PPM1L: variants seen among roughly 807,000 people sequenced by gnomAD.
The protein encoded by PPM1L is protein phosphatase, Mg2+/Mn2+ dependent 1L, also known as protein phosphatase 1L.
Under a neutral mutation model 31.4 loss-of-function variants are expected in PPM1L, and 13 were observed. The ratio of observed to expected loss-of-function variants is 0.41; its 90% confidence interval spans 0.27 to 0.66. The LOEUF (loss-of-function observed/expected upper bound fraction) is 0.66. Ranked by LOEUF, PPM1L falls within the 30% of genes least tolerant of loss-of-function variation. PPM1L has a pLI of 0.29. For missense variants in PPM1L, 326 were observed against 453.7 expected (o/e 0.72, Z 2.56); for synonymous variants, 184 against 175.4 (o/e 1.05, Z -0.39).
At chr3:160,986,875 C>A (rs895783882) in intron 2 of PPM1L, among the ~76,000 whole-genome samples, 1 of 152,132 alleles carries the variant, frequency 6.6e-6, no homozygotes, top group Non-Finnish European at 1.5e-5. Context: ...CATATTCTTT[C>A]TTTCTTACAA....
intron 1 of PPM1L, among the ~76,000 whole-genome samples, chr3:160,869,325 T>C (rs1416270373): frequency 6.6e-6 from 1 of 152,194 alleles, no homozygotes; most frequent in South Asian, 2.1e-4. Flanking sequence ...CAAAACTATT[T>C]AGATATAAAA....
chr3:161,075,610 T>C lies in PPM1L; in HGVS notation c.*6453T>C, dbSNP rs1438071589. 6.6e-6 allele frequency: 1 copy of C among 152,126 alleles called. No individual in the cohort carries two copies. The highest frequency in any genetic ancestry group is 2.4e-5 in the African/African-American group (1 of 41,410). The allele number at this position is 152,126 out of a possible 1,614,324, so 9.4% of individuals were successfully genotyped here. On this transcript the variant is annotated 3_prime_UTR_variant, in exon 4 of 4. Coordinates refer to ENST00000498165, the MANE Select transcript of PPM1L (RefSeq NM_139245.4). ...AAAAAATTGTAAAATCAGTTTCCAG[T>C]GTGGTCAAAATTAGAATGTAAAGGA...
chr3:160,988,323 C>A (rs1392465927), intron 2 of PPM1L, among the ~76,000 whole-genome samples: 6 of 152,146 alleles, frequency 3.9e-5, no homozygotes, highest in Non-Finnish European at 5.9e-5. Context: ...AAAAAATCAA[C>A]CTTGTTCTTG....
chr3:160,878,944 C>G (rs1393792397), intron 1 of PPM1L, among the ~76,000 whole-genome samples: 1 of 152,162 alleles, frequency 6.6e-6, no homozygotes, highest in Admixed American at 6.5e-5. Flanking sequence ...CCCTAGGAAC[C>G]ATGACTAAGC....
At chr3:161,023,428 C>A (rs1016940023) in intron 2 of PPM1L, among the ~76,000 whole-genome samples, 5 of 151,980 alleles carry the variant, frequency 3.3e-5, no homozygotes, top group African/African-American at 9.7e-5. Flanking sequence ...TTTTAAAATT[C>A]TTTTTTCTAT....
At chr3:160,769,682 T>C (rs1221208000) in intron 1 of PPM1L, among the ~76,000 whole-genome samples, 1 of 152,162 alleles carries the variant, frequency 6.6e-6, no homozygotes, top group African/African-American at 2.4e-5. Flanking sequence ...TGTGGAAATA[T>C]TATAGTAGTT....
At chr3:160,844,093 G>A (rs1713995293) in intron 1 of PPM1L, among the ~76,000 whole-genome samples, 1 of 152,162 alleles carries the variant, frequency 6.6e-6, no homozygotes, top group South Asian at 2.1e-4. Flanking sequence ...AGAAAAACCT[G>A]TTTTAAAATT....
At chr3:160,759,289 C>A (rs1311375488) in intron 1 of PPM1L, among the ~76,000 whole-genome samples, 2 of 152,186 alleles carry the variant, frequency 1.3e-5, no homozygotes, top group Non-Finnish European at 2.9e-5. Flanking sequence ...TAATAACTCA[C>A]ACTAGTAAGA....
intron 1 of PPM1L, among the ~76,000 whole-genome samples, chr3:160,795,050 G>A (rs143960307): frequency 5.3e-5 from 8 of 152,072 alleles, no homozygotes; most frequent in Non-Finnish European, 2.9e-5. Flanking sequence ...CTTCAGGTGA[G>A]CCTCACCCCC....
chr3:160,816,101 T>C (rs977730075), intron 1 of PPM1L, among the ~76,000 whole-genome samples: 2 of 152,152 alleles, frequency 1.3e-5, no homozygotes, highest in African/African-American at 2.4e-5. Flanking sequence ...TTTTCCTTCA[T>C]TGAGAGAAGA....
rs750082957 is a variant in PPM1L at position 160,961,768 on chromosome 3, A to G, written c.432A>G (p.Pro144=). ...TAAEYVKSRL[P]EALKQHLQDY... ...CTGAATATGTAAAATCTCGACTCCC[A>G]GAGGCCCTTAAACAGCATCTTCAGG... Residue 144 remains proline (P), a synonymous_variant, in exon 2 of 4, where the codon CCA becomes CCG. Coordinates refer to ENST00000498165, the MANE Select transcript of PPM1L (RefSeq NM_139245.4). 1 of 1,595,804 alleles carries G rather than the reference A, an allele frequency of 6.3e-7. No individual in the cohort carries two copies. Among genetic ancestry groups the G allele is most frequent in the Non-Finnish European group, 8.5e-7 (1 of 1,173,474 alleles).
intron 1 of PPM1L, among the ~76,000 whole-genome samples, chr3:160,822,156 AC>A (rs1362554532): frequency 6.6e-6 from 1 of 152,116 alleles, no homozygotes; most frequent in African/African-American, 2.4e-5. Flanking sequence ...AGGATAAATT[AC>A]CCAACATAAT....
At chr3:161,035,064 T>A (rs140046202) in intron 2 of PPM1L, among the ~76,000 whole-genome samples, 3,803 of 150,236 alleles carry the variant, frequency 0.025, 83 homozygotes, top group South Asian at 0.045. Flanking sequence ...GAGGGGAACA[T>A]CACACACTGA....
chr3:160,973,748 C>A (rs1716434079), intron 2 of PPM1L, among the ~76,000 whole-genome samples: 1 of 114,358 alleles, frequency 8.7e-6, no homozygotes, highest in East Asian at 2.1e-4. Flanking sequence ...TGGTAAATTG[C>A]CTTCTGAAAG....
chr3:160,885,324 T>G (rs1025354866), intron 1 of PPM1L, among the ~76,000 whole-genome samples: 6 of 152,230 alleles, frequency 3.9e-5, no homozygotes, highest in African/African-American at 1.4e-4. Flanking sequence ...CACCCTAGAA[T>G]AGTAGCAGAT....
At chr3:160,772,796 CTT>C (rs1396025683) in intron 1 of PPM1L, among the ~76,000 whole-genome samples, 3 of 152,096 alleles carry the variant, frequency 2.0e-5, no homozygotes, top group African/African-American at 7.2e-5. Flanking sequence ...TTTTGTAAAA[CTT>C]TATATAAATA....
chr3:160,781,183 T>C (rs1711738872), intron 1 of PPM1L, among the ~76,000 whole-genome samples: 1 of 152,204 alleles, frequency 6.6e-6, no homozygotes, highest in African/African-American at 2.4e-5. Context: ...CACTATCCCT[T>C]ATTTTTTAGG....
rs998256699 is a variant in PPM1L, at chr3:161,058,356, C to T, written c.575-7047C>T. Among the ~76,000 whole-genome samples the T allele has an allele frequency of 2.0e-5, 3 of 151,778 alleles. 1 individual carries two copies. The highest frequency in any genetic ancestry group is 2.9e-5 in the Non-Finnish European group (2 of 67,914). On this transcript the variant is annotated intron_variant, in intron 2 of 3. Transcript: ENST00000498165. ...GCCAGGCTGGTCTCGAACTCCTAAC[C>T]TCAGGTAATCTGCCTGCCTCAGCCT...
intron 1 of PPM1L, among the ~76,000 whole-genome samples, chr3:160,880,880 G>A (rs1389113221): frequency 6.6e-6 from 1 of 152,114 alleles, no homozygotes; most frequent in African/African-American, 2.4e-5. Flanking sequence ...GTCTCTCACA[G>A]TGATACACAT....
Sources: allele counts gnomAD v4.1 joint callset (sites outside exome capture counted in the v4.1 genomes callset), GRCh38; gene constraint gnomAD v4.1.1; transcripts MANE v1.5; gene names NCBI Gene and HGNC (gene_info 2026-07-23, HGNC 2026-07-21).